SYT9: variants seen among roughly 807,000 people sequenced by gnomAD.
SYT9 encodes synaptotagmin-9.
Under a neutral mutation model 48.4 loss-of-function variants are expected in SYT9, and 22 were observed. That is an observed-to-expected ratio of 0.45 (90% CI 0.32 to 0.65). The LOEUF (loss-of-function observed/expected upper bound fraction) is 0.65, where lower values mean the gene tolerates loss of function less well. SYT9 is among the 30% of genes least tolerant of loss of function. SYT9 has a pLI of 0.03. For synonymous variants in SYT9, 265 were observed against 245.0 expected (o/e 1.08, Z -0.76); for missense variants, 577 against 622.0 (o/e 0.93, Z 0.77).
At chr11:7,275,490 T>C (rs1356790947) in intron 1 of SYT9, among the ~76,000 whole-genome samples, 2 of 152,206 alleles carry the variant, frequency 1.3e-5, no homozygotes, top group Non-Finnish European at 2.9e-5. Flanking sequence ...TCTATTTTCT[T>C]TCATGGGTTT....
chr11:7,413,013 C>A (rs1157533032), intron 3 of SYT9, among the ~76,000 whole-genome samples: 8 of 152,132 alleles, frequency 5.3e-5, no homozygotes, highest in African/African-American at 1.9e-4. Context: ...GTCCTCAGGT[C>A]CCCTGGTAAT....
chr11:7,429,461 A>G (rs1422433588), intron 6 of SYT9, among the ~76,000 whole-genome samples: 1 of 152,246 alleles, frequency 6.6e-6, no homozygotes, highest in East Asian at 1.9e-4. Context: ...CCAGATTCTC[A>G]GTCATGTGGT....
upstream of SYT9, among the ~76,000 whole-genome samples, chr11:7,248,411 T>C (rs1270047900): frequency 6.6e-6 from 1 of 152,188 alleles, no homozygotes; most frequent in Non-Finnish European, 1.5e-5. Flanking sequence ...CCTAAGCCAA[T>C]GTCTAGAAGA....
intron 3 of SYT9, among the ~76,000 whole-genome samples, chr11:7,369,175 C>T (rs935684876): frequency 6.6e-6 from 1 of 152,204 alleles, no homozygotes; most frequent in South Asian, 2.1e-4. Flanking sequence ...AACCAACATT[C>T]TAACTGGCGT....
chr11:7,259,261 T>C (rs1034493032), intron 1 of SYT9, among the ~76,000 whole-genome samples: 1 of 152,188 alleles, frequency 6.6e-6, no homozygotes, highest in African/African-American at 2.4e-5. Flanking sequence ...ATTTCTATTA[T>C]TATAATTTTC....
At chr11:7,420,193 T>C (rs1308375922) in intron 5 of SYT9, among the ~76,000 whole-genome samples, 1 of 152,144 alleles carries the variant, frequency 6.6e-6, no homozygotes, top group Non-Finnish European at 1.5e-5. Flanking sequence ...GATGACTCCC[T>C]CTTTATTACA....
rs1179395493 is a variant in SYT9, at chr11:7,301,946, G to GTTCTGGC, written c.146-1093_146-1092insTTCTGGC. The stretch of plus-strand genomic sequence containing the variant: ...TTGAACCTTAGGGGCATAGTCACTG[G>GTTCTGGC]ATACTGAACTGCCAAGACTTGCTGA... On this transcript the variant is annotated intron_variant, in intron 1 of 6. Coordinates refer to ENST00000318881, the MANE Select transcript of SYT9 (RefSeq NM_175733.4). 3.9e-5 allele frequency among the ~76,000 whole-genome samples: 6 copies of GTTCTGGC among 152,334 alleles called. No homozygotes were observed. In the East Asian group the frequency reaches 9.6e-4, roughly 24 times the overall value.
intron 3 of SYT9, among the ~76,000 whole-genome samples, chr11:7,391,735 T>TAAAAAAAAAAAAAAAAAAAAAAA (rs71059104): frequency 1.1e-4 from 4 of 35,948 alleles, no homozygotes; most frequent in Non-Finnish European, 1.5e-4. Context: ...ACCCCATCTC[T>TAAAAAAAAAAAAAAAAAAAAAAA]AAAAAAAAAA....
intron 2 of SYT9, among the ~76,000 whole-genome samples, chr11:7,310,258 C>G (rs1242168938): frequency 6.6e-6 from 1 of 152,004 alleles, no homozygotes; most frequent in Admixed American, 6.6e-5. Flanking sequence ...CTCAGCCTCC[C>G]AAGTAGCTGG....
intron 6 of SYT9, among the ~76,000 whole-genome samples, chr11:7,426,412 G>T (rs1286679276): frequency 6.6e-6 from 1 of 152,040 alleles, no homozygotes; most frequent in African/African-American, 2.4e-5. Context: ...GCTTGGCCTG[G>T]GAGCTTTTCT....
chr11:7,383,907 A>G (rs1490425758), intron 3 of SYT9, among the ~76,000 whole-genome samples: 1 of 152,164 alleles, frequency 6.6e-6, no homozygotes, highest in Non-Finnish European at 1.5e-5. Context: ...TCTAACCTCA[A>G]TTCCCTGTCT....
chr11:7,326,839 A>C (rs1191265667), intron 3 of SYT9, among the ~76,000 whole-genome samples: 8 of 103,596 alleles, frequency 7.7e-5, no homozygotes, highest in Non-Finnish European at 1.4e-4. Context: ...CCTATTTAAT[A>C]AATGGTGCTG....
At chr11:7,393,874 G>C (rs1457968011) in intron 3 of SYT9, among the ~76,000 whole-genome samples, 1 of 151,406 alleles carries the variant, frequency 6.6e-6, no homozygotes, top group Non-Finnish European at 1.5e-5. Flanking sequence ...TCTAGTTTGT[G>C]TGCATAGAGT....
rs188045718 is a variant in SYT9 at position 7,376,139 on chromosome 11, T to C, written c.1045-39903T>C. Among the ~76,000 whole-genome samples the C allele has an allele frequency of 3.4e-4, 51 of 152,208 alleles. No homozygotes were observed. In the East Asian group the frequency reaches 5.4e-3, roughly 16 times the overall value. ...AACTCTACTATGTCACACATTCTTATTCACCTCTGCTTTGTATTCCCAGCA... is the reference window on the plus strand; with the variant it reads ...AACTCTACTATGTCACACATTCTTACTCACCTCTGCTTTGTATTCCCAGCA... On this transcript the variant is annotated intron_variant, in intron 3 of 6. Transcript: ENST00000318881.
At chr11:7,417,932 C>G in intron 4 of SYT9, 25 bp from the exon 5 acceptor site, 1 of 1,606,720 alleles carries the variant, frequency 6.2e-7, no homozygotes, top group South Asian at 1.1e-5. Context: ...CCTCACAGTA[C>G]TCCTGCTTCT....
chr11:7,385,166 TGTCTTCACACACAAGAA>T (rs1293749077), intron 3 of SYT9, among the ~76,000 whole-genome samples: 129 of 152,274 alleles, frequency 8.5e-4, no homozygotes, highest in Admixed American at 1.4e-3. Flanking sequence ...GCTCATTGTC[TGTCTTCACACACAAGAA>T]ATATAAGCTC....
chr11:7,332,030 A>G (rs1440260926), intron 3 of SYT9, among the ~76,000 whole-genome samples: 2 of 152,298 alleles, frequency 1.3e-5, no homozygotes, highest in East Asian at 3.9e-4. Flanking sequence ...GTGAATCTTA[A>G]TTTGGAATTC....
intron 3 of SYT9, among the ~76,000 whole-genome samples, chr11:7,359,818 G>A (rs1236794678): frequency 6.6e-6 from 1 of 150,982 alleles, no homozygotes; most frequent in African/African-American, 2.4e-5. Context: ...TCACTCTGAT[G>A]GTAGTTTCTT....
chr11:7,278,777 A>G (rs1258903606), intron 1 of SYT9, among the ~76,000 whole-genome samples: 1 of 151,652 alleles, frequency 6.6e-6, no homozygotes, highest in East Asian at 1.9e-4. Context: ...TAATTCTTAC[A>G]AGTGGAGAAG....
Sources: gnomAD v4.1 joint callset for allele counts (sites outside exome capture counted in the v4.1 genomes callset) on GRCh38, gnomAD v4.1.1 for gene constraint, MANE v1.5 for transcripts, NCBI Gene and HGNC (gene_info 2026-07-23, HGNC 2026-07-21) for gene names.